PTPRS: variants seen among roughly 807,000 people sequenced by gnomAD.
The protein encoded by PTPRS is protein tyrosine phosphatase receptor type S, also known as receptor-type tyrosine-protein phosphatase S.
A neutral mutation model predicts 215.3 loss-of-function variants in PTPRS; 63 were observed. That is an observed-to-expected ratio of 0.29 (90% CI 0.24 to 0.36). The LOEUF (loss-of-function observed/expected upper bound fraction) is 0.36, where lower values mean the gene tolerates loss of function less well. PTPRS is among the 10% of genes least tolerant of loss of function. The pLI is 1.00. For missense variants in PTPRS, 2,258 were observed against 2,825.8 expected, an observed-to-expected ratio of 0.80 and a Z score of 4.56; for synonymous variants, 1,404 against 1,191.4, an observed-to-expected ratio of 1.18 and a Z score of -3.68.
At chr19:5,241,171 G>A (rs569417231) in intron 11 of PTPRS, among the ~76,000 whole-genome samples, 6 of 151,946 alleles carry the variant, frequency 3.9e-5, no homozygotes, top group Admixed American at 1.3e-4. Context: ...TTACAGGCGC[G>A]AACCACCACA....
At chr19:5,297,185 T>C (rs2049161950) in intron 1 of PTPRS, among the ~76,000 whole-genome samples, 2 of 152,182 alleles carry the variant, frequency 1.3e-5, no homozygotes, top group Admixed American at 1.3e-4. Flanking sequence ...AGGAGGCGGC[T>C]GCCCTTGGGG....
Position 5,211,786 on chromosome 19 carries a change from C to T in PTPRS, c.5056-18G>A. 1 of 1,606,906 alleles carries T rather than the reference C, an allele frequency of 6.2e-7. No homozygotes were observed. The highest frequency in any genetic ancestry group is 8.5e-7 in the Non-Finnish European group (1 of 1,174,152). Reference sequence around the variant, plus strand: ...GCCAGCCGCTGTGGGGAGGAGGAAGCCAGAGGCCACCATCAGGATGAGGAA... The same window carrying T: ...GCCAGCCGCTGTGGGGAGGAGGAAGTCAGAGGCCACCATCAGGATGAGGAA... On this transcript the variant is annotated intron_variant, in intron 32 of 37. Coordinates refer to ENST00000262963, the MANE Select transcript of PTPRS (RefSeq NM_002850.4).
chr19:5,258,209 T>C lies in PTPRS; in HGVS notation c.596-82A>G, dbSNP rs929068632. 37 of 1,159,778 alleles carry C rather than the reference T, an allele frequency of 3.2e-5. No homozygotes were observed. In the African/African-American group the frequency reaches 5.5e-4, roughly 17 times the overall value. The allele number at this position is 1,159,778 out of a possible 1,614,324, so 71.8% of individuals were successfully genotyped here. A position where few individuals can be genotyped will look rare whatever the true frequency, so the allele number is the denominator to read the frequency against. On this transcript the variant is annotated intron_variant, in intron 7 of 37. Transcript: ENST00000262963. ...GGAAAGCTCCCCCACCAGAGTGCTC[T>C]CTGGCCTGTCTCCTGTGCTGGCTGG...
intron 9 of PTPRS, among the ~76,000 whole-genome samples, chr19:5,255,244 A>C (rs968672935): frequency 6.6e-6 from 1 of 151,780 alleles, no homozygotes. Flanking sequence ...CTCTCCACAC[A>C]CCCCACCCAT....
In PTPRS at chr19:5,286,218, G is replaced by A. The variant is rs1395046235; in HGVS notation, c.-78C>T. On this transcript the variant is annotated 5_prime_UTR_variant, in exon 2 of 38. In the 5' UTR this introduces an upstream ATG that the reference lacks. Transcript: ENST00000262963. ...CTCACAGAGAGGCCTCGAGCCGAGC[G>A]TCAGATGGGGCAACGTCTGCAGAGA... 4.7e-6 allele frequency: 7 copies of A among 1,495,670 alleles called. No individual in the cohort carries two copies. The Admixed American group carries it at 9.5e-5, about 20-fold the overall frequency. The allele number at this position is 1,495,670 out of a possible 1,614,324, so 92.6% of individuals were successfully genotyped here. A position where few individuals can be genotyped will look rare whatever the true frequency, so the allele number is the denominator to read the frequency against.
At chr19:5,307,647 G>A (rs1347393356) in intron 1 of PTPRS, among the ~76,000 whole-genome samples, 1 of 152,128 alleles carries the variant, frequency 6.6e-6, no homozygotes, top group East Asian at 1.9e-4. Flanking sequence ...CTTCAAAACC[G>A]TAGCCACGAG....
chr19:5,297,900 C>A (rs1282048941), intron 1 of PTPRS, among the ~76,000 whole-genome samples: 2 of 149,834 alleles, frequency 1.3e-5, no homozygotes, highest in African/African-American at 4.9e-5. Flanking sequence ...TCACACAATT[C>A]TCCTGCCTCA....
chr19:5,289,025 G>A (rs749512492), intron 1 of PTPRS, among the ~76,000 whole-genome samples: 3 of 150,914 alleles, frequency 2.0e-5, no homozygotes, highest in Non-Finnish European at 4.4e-5. Flanking sequence ...GAGCATTTGG[G>A]GCATTGGATG....
chr19:5,333,211 C>T (rs1331616567), intron 1 of PTPRS, among the ~76,000 whole-genome samples: 1 of 151,110 alleles, frequency 6.6e-6, no homozygotes, highest in Non-Finnish European at 1.5e-5. Flanking sequence ...TGGCTCACAC[C>T]TGGAATCCCA....
At chr19:5,207,552 C>A (rs1331030911) in intron 37 of PTPRS, among the ~76,000 whole-genome samples, 1 of 152,192 alleles carries the variant, frequency 6.6e-6, no homozygotes. Flanking sequence ...AGAACCCCCT[C>A]CACTGGAACA....
intron 1 of PTPRS, among the ~76,000 whole-genome samples, chr19:5,304,146 G>A (rs1055225626): frequency 1.3e-5 from 2 of 152,058 alleles, no homozygotes; most frequent in African/African-American, 2.4e-5. Context: ...GACTGTGGGA[G>A]GCAGACAGGG....
intron 4 of PTPRS, among the ~76,000 whole-genome samples, chr19:5,268,659 G>A (rs1217532003): frequency 6.6e-6 from 1 of 152,196 alleles, no homozygotes; most frequent in Non-Finnish European, 1.5e-5. Flanking sequence ...AAAAGCCCCA[G>A]TGGAAAGCCC....
chr19:5,275,138 T>C (rs1314839578), intron 2 of PTPRS, among the ~76,000 whole-genome samples: 2 of 151,400 alleles, frequency 1.3e-5, no homozygotes, highest in East Asian at 3.9e-4. Context: ...TGGTGTGATC[T>C]CGGCTCACTG....
intron 1 of PTPRS, among the ~76,000 whole-genome samples, chr19:5,321,200 G>A (rs2050015994): frequency 6.6e-6 from 1 of 152,230 alleles, no homozygotes; most frequent in Non-Finnish European, 1.5e-5. Context: ...CTGAGCCTGG[G>A]AGGTTGAGGC....
Position 5,237,074 on chromosome 19 carries a change from C to A in PTPRS, c.1849+1845G>T, listed in dbSNP as rs62115086. Among the ~76,000 whole-genome samples the A allele has an allele frequency of 6.6e-6, 1 of 152,146 alleles. No homozygotes were observed. The highest frequency in any genetic ancestry group is 2.4e-5 in the African/African-American group (1 of 41,424). ...ACTGCTAACTTAAAAGACTTTCTTA[C>A]GAGAGAGGGAACGGCCGAGCGCTGA... is the stretch of plus-strand genomic sequence containing the variant. On this transcript the variant is annotated intron_variant, in intron 13 of 37. Transcript: ENST00000262963. The surrounding 1 kb of genome is among the most constrained non-coding windows in gnomAD (Gnocchi z 4.2).
At chr19:5,243,875 C>G (rs761891685) in intron 11 of PTPRS, 26 bp downstream of exon 11, 11 of 1,452,916 alleles carry the variant, frequency 7.6e-6, no homozygotes, top group Non-Finnish European at 9.9e-6. Context: ...GCCGGGGCCC[C>G]GAGTCCTGCC....
intron 1 of PTPRS, among the ~76,000 whole-genome samples, chr19:5,325,209 G>A (rs1383766726): frequency 1.3e-5 from 2 of 152,232 alleles, no homozygotes. Flanking sequence ...CAGGTAGAGA[G>A]GAGCATGTGC....
At chr19:5,291,007 C>T (rs1029873867) in intron 1 of PTPRS, among the ~76,000 whole-genome samples, 1 of 152,114 alleles carries the variant, frequency 6.6e-6, no homozygotes, top group Non-Finnish European at 1.5e-5. Context: ...GCCACTGTCC[C>T]TCCCAGGGCG....
At chr19:5,283,651 C>T (rs2048070152) in intron 2 of PTPRS, among the ~76,000 whole-genome samples, 1 of 152,170 alleles carries the variant, frequency 6.6e-6, no homozygotes, top group African/African-American at 2.4e-5. Flanking sequence ...GCAGGTGAGA[C>T]AGGCCAGGAA....
Sources: gnomAD v4.1 joint callset for allele counts (sites outside exome capture counted in the v4.1 genomes callset) on GRCh38, gnomAD v4.1.1 for gene constraint, Gnocchi (gnomAD v3.1) non-coding constraint, MANE v1.5 for transcripts, NCBI Gene and HGNC (gene_info 2026-07-23, HGNC 2026-07-21) for gene names.